The following GABBR2 variants were observed in gnomAD, a reference collection of about 807,000 sequenced individuals.
GABBR2 encodes gamma-aminobutyric acid type B receptor subunit 2.
A neutral mutation model predicts 105.6 loss-of-function variants in GABBR2; 23 were observed. The observed-to-expected ratio is 0.22, with a 90% CI of 0.16 to 0.31. The LOEUF (loss-of-function observed/expected upper bound fraction) is 0.31. Ranked by LOEUF, GABBR2 falls within the 10% of genes least tolerant of loss-of-function variation. The pLI is 1.00. For synonymous variants in GABBR2, 478 were observed against 499.7 expected (o/e 0.96, Z 0.58); for missense variants, 734 against 1,245.5 (o/e 0.59, Z 6.18).
rs1045772725 is a variant in GABBR2, at chr9:98,454,424, A to G, written c.1000-207T>C. On this transcript the variant is annotated intron_variant, in intron 6 of 18. Coordinates refer to ENST00000259455, the MANE Select transcript of GABBR2 (RefSeq NM_005458.8). The surrounding 1 kb of genome is among the most constrained non-coding windows in gnomAD (Gnocchi z 4.6). ...CCCATTTTACAGACCCCCCATTTTC[A>G]GGGGGGTCAACTTGCTTAGTTCCAC... 6.6e-6 allele frequency among the ~76,000 whole-genome samples: 1 copy of G among 152,028 alleles called. No individual in the cohort carries two copies. The highest frequency in any genetic ancestry group is 2.4e-5 in the African/African-American group (1 of 41,388).
At chr9:98,487,815 C>T (rs771167181) in intron 4 of GABBR2, among the ~76,000 whole-genome samples, 8 of 152,112 alleles carry the variant, frequency 5.3e-5, no homozygotes, top group African/African-American at 4.8e-5. Flanking sequence ...ACATCCTAAT[C>T]CCCAGAACCT....
At chr9:98,592,009 A>AG (rs1203448148) in intron 1 of GABBR2, among the ~76,000 whole-genome samples, 1 of 152,210 alleles carries the variant, frequency 6.6e-6, no homozygotes, top group Non-Finnish European at 1.5e-5. Flanking sequence ...CTCTCAAGCA[A>AG]GGGGGGCACT....
intron 13 of GABBR2, among the ~76,000 whole-genome samples, chr9:98,358,927 G>A (rs984392639): frequency 6.6e-5 from 10 of 152,134 alleles, no homozygotes; most frequent in African/African-American, 2.2e-4. Context: ...GACCACCTGG[G>A]GTGGAATCCA....
At chr9:98,497,308 T>G (rs1333283722) in intron 3 of GABBR2, among the ~76,000 whole-genome samples, 1 of 152,160 alleles carries the variant, frequency 6.6e-6, no homozygotes, top group Non-Finnish European at 1.5e-5. Flanking sequence ...AGTTGGTTGC[T>G]GAGTTAGAAT....
At chr9:98,435,964 A>T (rs2131579251) in intron 7 of GABBR2, among the ~76,000 whole-genome samples, 1 of 152,122 alleles carries the variant, frequency 6.6e-6, no homozygotes, top group East Asian at 1.9e-4. Context: ...TTAAATGGTT[A>T]TTCGGATGAT....
chr9:98,631,101 C>T lies in GABBR2; in HGVS notation c.322-53029G>A, dbSNP rs1004705352. Among the ~76,000 whole-genome samples the T allele has an allele frequency of 3.9e-5, 6 of 152,092 alleles. No homozygotes were observed. The South Asian group carries it at 1.0e-3, about 26-fold the overall frequency. On this transcript the variant is annotated intron_variant, in intron 1 of 18. Coordinates refer to ENST00000259455, the MANE Select transcript of GABBR2 (RefSeq NM_005458.8). ...CTTAATATAAAAACTACCAGTGATA[C>T]CCAACAAAATCAGACTAATTCTTGA...
At chr9:98,616,575 G>A (rs1461086914) in intron 1 of GABBR2, among the ~76,000 whole-genome samples, 1 of 152,110 alleles carries the variant, frequency 6.6e-6, no homozygotes, top group African/African-American at 2.4e-5. Context: ...CCAACATGGT[G>A]AAACCCCTTC....
At position 98,657,323 on chromosome 9, in the gene GABBR2, T is replaced by C. The variant is rs1000831638; in HGVS notation, c.321+51094A>G. 6.6e-5 allele frequency among the ~76,000 whole-genome samples: 10 copies of C among 152,186 alleles called. No homozygotes were observed. In the South Asian group the frequency reaches 1.7e-3, roughly 25 times the overall value. The stretch of plus-strand genomic sequence containing the variant: ...TCTATTAAAAGTGAAAAACAAAACA[T>C]AAACCAAGAAGACTGTACGTTTTCA... On this transcript the variant is annotated intron_variant, in intron 1 of 18. Transcript: ENST00000259455.
chr9:98,573,508 C>T (rs1173046637), intron 2 of GABBR2, among the ~76,000 whole-genome samples: 1 of 152,134 alleles, frequency 6.6e-6, no homozygotes, highest in East Asian at 1.9e-4. Context: ...GGCCTCAAAC[C>T]CCTGGCTTAA....
chr9:98,624,740 G>C lies in GABBR2; in HGVS notation c.322-46668C>G, dbSNP rs540905181. ...CTGCACAGGATGCGGAGGAAGCTGGGAGCTGCAGAACGCTGAGGCCGGCTG... is the reference window on the plus strand; with the variant it reads ...CTGCACAGGATGCGGAGGAAGCTGGCAGCTGCAGAACGCTGAGGCCGGCTG... On this transcript the variant is annotated intron_variant, in intron 1 of 18. Coordinates refer to ENST00000259455, the MANE Select transcript of GABBR2 (RefSeq NM_005458.8). Among the ~76,000 whole-genome samples, 35 of 152,308 alleles carry C rather than the reference G, an allele frequency of 2.3e-4. 1 individual carries two copies. Among genetic ancestry groups the C allele is most frequent in the Admixed American group, 1.6e-3 (24 of 15,310 alleles).
intron 11 of GABBR2, among the ~76,000 whole-genome samples, chr9:98,378,714 T>A (rs942859243): frequency 6.6e-6 from 1 of 151,914 alleles, no homozygotes; most frequent in Non-Finnish European, 1.5e-5. Context: ...GGAGCTGGGA[T>A]GGGGGCCACC....
chr9:98,646,034 A>G (rs1011254255), intron 1 of GABBR2, among the ~76,000 whole-genome samples: 1 of 152,206 alleles, frequency 6.6e-6, no homozygotes, highest in African/African-American at 2.4e-5. Context: ...CCTGTTGATG[A>G]GCACTGTAAT....
chr9:98,649,402 A>T (rs1181001137), intron 1 of GABBR2, among the ~76,000 whole-genome samples: 1 of 152,196 alleles, frequency 6.6e-6, no homozygotes, highest in Non-Finnish European at 1.5e-5. Flanking sequence ...ACGGCCCCAA[A>T]GAGTTAGTGA....
At chr9:98,573,641 T>A (rs758385995) in intron 2 of GABBR2, among the ~76,000 whole-genome samples, 5 of 152,242 alleles carry the variant, frequency 3.3e-5, no homozygotes, top group Non-Finnish European at 2.9e-5. Context: ...AAATTTACCA[T>A]CTTTACCAAT....
intron 7 of GABBR2, among the ~76,000 whole-genome samples, chr9:98,440,792 C>T (rs979967831): frequency 1.3e-5 from 2 of 152,188 alleles, no homozygotes; most frequent in East Asian, 1.9e-4. Context: ...CACACACAGG[C>T]GGAGCCAGTG....
chr9:98,622,015 T>A (rs963203057), intron 1 of GABBR2, among the ~76,000 whole-genome samples: 4 of 152,086 alleles, frequency 2.6e-5, no homozygotes, highest in African/African-American at 9.7e-5. Flanking sequence ...AAAAAAATGG[T>A]CTTTAGGCAT....
chr9:98,625,603 G>A (rs528441466), intron 1 of GABBR2, among the ~76,000 whole-genome samples: 20 of 152,258 alleles, frequency 1.3e-4, no homozygotes, highest in African/African-American at 4.3e-4. Flanking sequence ...CAGGGTGACC[G>A]TCCCCTACAA....
At chr9:98,341,982 C>T (rs1351237404) in intron 13 of GABBR2, among the ~76,000 whole-genome samples, 1 of 152,112 alleles carries the variant, frequency 6.6e-6, no homozygotes, top group Non-Finnish European at 1.5e-5. Flanking sequence ...TTACTGAATA[C>T]TTACTTTGAG....
intron 13 of GABBR2, among the ~76,000 whole-genome samples, chr9:98,354,172 G>T (rs1273833118): frequency 6.6e-6 from 1 of 152,172 alleles, no homozygotes; most frequent in African/African-American, 2.4e-5. Context: ...CTCAAAAGTA[G>T]ATTTAAAATT....
Sources: allele counts gnomAD v4.1 joint callset (sites outside exome capture counted in the v4.1 genomes callset), GRCh38; gene constraint gnomAD v4.1.1; non-coding constraint Gnocchi (gnomAD v3.1); transcripts MANE v1.5; gene names NCBI Gene and HGNC (gene_info 2026-07-23, HGNC 2026-07-21).